The following ATG10 variants were observed in gnomAD, a reference collection of about 807,000 sequenced individuals.
The protein encoded by ATG10 is autophagy related 10.
In ATG10, 30 loss-of-function variants were observed where a neutral mutation model predicts 32.1. The ratio of observed to expected loss-of-function variants is 0.94; its 90% CI spans 0.70 to 1.27. ATG10 has a LOEUF of 1.27. Among genes scored for constraint, ATG10 ranks in the 50% most tolerant of loss-of-function variants. The pLI is 0.00. For synonymous variants in ATG10, 87 were observed against 91.5 expected, an observed-to-expected ratio of 0.95 and a Z score of 0.28; for missense variants, 233 against 262.3, an observed-to-expected ratio of 0.89 and a Z score of 0.77.
At chr5:82,204,362 ATTAC>A (rs1379243850) in intron 5 of ATG10, among the ~76,000 whole-genome samples, 1 of 152,220 alleles carries the variant, frequency 6.6e-6, no homozygotes, top group Non-Finnish European at 1.5e-5. Flanking sequence ...GCATTTCTGT[ATTAC>A]TTCCATATTA....
At chr5:82,068,164 G>C (rs934552576) in intron 3 of ATG10, among the ~76,000 whole-genome samples, 2 of 152,038 alleles carry the variant, frequency 1.3e-5, no homozygotes, top group South Asian at 4.1e-4. Context: ...GCCCATCAAC[G>C]ATAGACTGGA....
At chr5:82,141,790 G>A (rs1249249215) in intron 3 of ATG10, among the ~76,000 whole-genome samples, 1 of 151,142 alleles carries the variant, frequency 6.6e-6, no homozygotes, top group East Asian at 1.9e-4. Context: ...TCTAACTAGG[G>A]GTTGCAGTTA....
At chr5:81,997,074 C>T (rs73766501) in intron 2 of ATG10, among the ~76,000 whole-genome samples, 1 of 152,136 alleles carries the variant, frequency 6.6e-6, no homozygotes, top group South Asian at 2.1e-4. Context: ...TCACCCTGTG[C>T]CACCATTGTG....
chr5:82,238,363 C>CTGA (rs926118593), intron 5 of ATG10, among the ~76,000 whole-genome samples: 2 of 144,838 alleles, frequency 1.4e-5, no homozygotes, highest in Middle Eastern at 3.2e-3. Flanking sequence ...CCCCTAACCA[C>CTGA]TGCCCAGCCA....
chr5:82,132,845 C>A (rs920350570), intron 3 of ATG10, among the ~76,000 whole-genome samples: 2 of 152,128 alleles, frequency 1.3e-5, no homozygotes, highest in Non-Finnish European at 2.9e-5. Context: ...AACTAATTTA[C>A]ACTCCGACCA....
intron 3 of ATG10, among the ~76,000 whole-genome samples, chr5:82,127,153 G>T (rs1345348888): frequency 6.6e-6 from 1 of 151,980 alleles, no homozygotes; most frequent in Admixed American, 6.6e-5. Flanking sequence ...TTTATTGCAT[G>T]TATTTGATTC....
chr5:82,148,562 G>A (rs1767457991), intron 3 of ATG10, among the ~76,000 whole-genome samples: 2 of 152,058 alleles, frequency 1.3e-5, no homozygotes, highest in Admixed American at 1.3e-4. Context: ...CTCTTACTTT[G>A]ACATTTATAT....
Position 82,099,903 on chromosome 5 carries a change from C to T in ATG10, c.216+41301C>T, listed in dbSNP as rs183191565. Among the ~76,000 whole-genome samples, 321 of 151,394 alleles carry T rather than the reference C, an allele frequency of 2.1e-3. 1 individual carries two copies. The highest frequency in any genetic ancestry group is 7.3e-3 in the African/African-American group (301 of 41,262). On this transcript the variant is annotated intron_variant, in intron 3 of 7. Coordinates refer to ENST00000282185, the MANE Select transcript of ATG10 (RefSeq NM_031482.5). ...AATTTACACTGCTTTGTCAATCAAT[C>T]ACTAGTCAAGTTCCCACCTTACACT...
chr5:82,011,605 G>A (rs922306486), intron 2 of ATG10, among the ~76,000 whole-genome samples: 1 of 152,156 alleles, frequency 6.6e-6, no homozygotes, highest in Admixed American at 6.5e-5. Flanking sequence ...TTCTCTCAAC[G>A]TTACATTTGT....
intron 6 of ATG10, 70 bp downstream of exon 6, chr5:82,252,729 C>G: frequency 4.5e-6 from 4 of 882,710 alleles, no homozygotes; most frequent in Non-Finnish European, 7.2e-6. Flanking sequence ...TTATGTGACT[C>G]TAAATGCTAG....
At chr5:82,139,643 C>T (rs1165119523) in intron 3 of ATG10, among the ~76,000 whole-genome samples, 6 of 137,508 alleles carry the variant, frequency 4.4e-5, no homozygotes, top group African/African-American at 1.4e-4. Context: ...CGTCTCCGCC[C>T]AGCAGCCACC....
At chr5:82,231,130 T>C (rs918109827) in intron 5 of ATG10, among the ~76,000 whole-genome samples, 23 of 152,314 alleles carry the variant, frequency 1.5e-4, no homozygotes, top group African/African-American at 5.5e-4. Flanking sequence ...TCTCATGAGT[T>C]CATGTAGAAA....
At chr5:82,196,325 A>G (rs1744849671) in intron 5 of ATG10, among the ~76,000 whole-genome samples, 1 of 151,936 alleles carries the variant, frequency 6.6e-6, no homozygotes, top group Non-Finnish European at 1.5e-5. Context: ...CTCCCATTCC[A>G]TTGGTTGTCT....
intron 3 of ATG10, among the ~76,000 whole-genome samples, chr5:82,080,212 T>A (rs1764425571): frequency 6.6e-6 from 1 of 152,240 alleles, no homozygotes; most frequent in Non-Finnish European, 1.5e-5. Flanking sequence ...TTGATGGGGT[T>A]GTTTTTTTCT....
intron 3 of ATG10, among the ~76,000 whole-genome samples, chr5:82,122,321 T>C (rs972280278): frequency 1.3e-5 from 2 of 152,134 alleles, no homozygotes; most frequent in African/African-American, 4.8e-5. Flanking sequence ...ATGCAGAAGA[T>C]TGAAGCTGTG....
intron 5 of ATG10, among the ~76,000 whole-genome samples, chr5:82,214,577 G>C (rs1745606285): frequency 1.3e-5 from 2 of 152,152 alleles, no homozygotes; most frequent in Admixed American, 6.5e-5. Flanking sequence ...TTACGTTTAT[G>C]TGTAAAAGAA....
intron 3 of ATG10, among the ~76,000 whole-genome samples, chr5:82,132,323 A>G (rs1004505923): frequency 6.6e-6 from 1 of 151,952 alleles, no homozygotes; most frequent in African/African-American, 2.4e-5. Flanking sequence ...ATAGGTATGT[A>G]TACATGTGCC....
intron 4 of ATG10, among the ~76,000 whole-genome samples, chr5:82,166,609 A>G (rs939502873): frequency 5.3e-5 from 8 of 151,864 alleles, no homozygotes; most frequent in Non-Finnish European, 1.2e-4. Context: ...TTTTTCATTT[A>G]TTCCCCCCCC....
At chr5:82,191,772 G>A (rs1433707815) in intron 5 of ATG10, among the ~76,000 whole-genome samples, 2 of 152,030 alleles carry the variant, frequency 1.3e-5, no homozygotes, top group African/African-American at 4.8e-5. Context: ...AGAATATCAG[G>A]AAAGCTCTGG....
Sources: allele counts gnomAD v4.1 joint callset (sites outside exome capture counted in the v4.1 genomes callset), GRCh38; gene constraint gnomAD v4.1.1; transcripts MANE v1.5; gene names NCBI Gene and HGNC (gene_info 2026-07-23, HGNC 2026-07-21).